MAF: variants seen among roughly 807,000 people sequenced by gnomAD.
MAF encodes the protein transcription factor Maf.
MAF carries 10 observed loss-of-function variants against 22.0 expected under a neutral mutation model. That is an observed-to-expected ratio of 0.45 (90% CI 0.28 to 0.77). MAF has a LOEUF of 0.77. Among genes scored for constraint, MAF ranks in the 30% least tolerant of loss-of-function variants. MAF has a pLI of 0.12. For missense variants in MAF, 544 were observed against 548.4 expected, an observed-to-expected ratio of 0.99 and a Z score of 0.08; for synonymous variants, 337 against 255.8, an observed-to-expected ratio of 1.32 and a Z score of -3.03.
chr16:79,406,630 A>G, the MAF span, among the ~76,000 whole-genome samples: 1 of 152,132 alleles, frequency 6.6e-6, no homozygotes, highest in African/African-American at 2.4e-5. Flanking sequence ...TCCAAATACC[A>G]TCACATTGGG....
chr16:79,370,634 C>T, the MAF span, among the ~76,000 whole-genome samples: 1 of 152,222 alleles, frequency 6.6e-6, no homozygotes, highest in Non-Finnish European at 1.5e-5. Flanking sequence ...CATCCTCCAT[C>T]CCTTCCACTA....
the MAF span, among the ~76,000 whole-genome samples, chr16:79,487,249 A>T: frequency 6.6e-6 from 1 of 151,596 alleles, no homozygotes; most frequent in African/African-American, 2.4e-5. Context: ...AGTTTCGTGA[A>T]GTTCAACGTC....
chr16:79,487,665 A>G, the MAF span, among the ~76,000 whole-genome samples: 1 of 152,168 alleles, frequency 6.6e-6, no homozygotes, highest in African/African-American at 2.4e-5. Flanking sequence ...ATTACCCAAT[A>G]TGCAAAAGGT....
chr16:79,332,761 A>T, the MAF span, among the ~76,000 whole-genome samples: 7 of 152,258 alleles, frequency 4.6e-5, no homozygotes, highest in Non-Finnish European at 7.3e-5. Flanking sequence ...CTGACGAACA[A>T]CCAGCCTACA....
the MAF span, among the ~76,000 whole-genome samples, chr16:79,466,805 G>C: frequency 6.6e-6 from 1 of 152,186 alleles, no homozygotes; most frequent in African/African-American, 2.4e-5. Flanking sequence ...GGGTATTTAA[G>C]ATCCATTATT....
At chr16:79,359,404 G>T in the MAF span, among the ~76,000 whole-genome samples, 1 of 152,168 alleles carries the variant, frequency 6.6e-6, no homozygotes, top group Non-Finnish European at 1.5e-5. Context: ...AGTATTTTCA[G>T]ATGACTTTTT....
At chr16:79,235,572 A>C in the MAF span, among the ~76,000 whole-genome samples, 3 of 151,826 alleles carry the variant, frequency 2.0e-5, no homozygotes, top group African/African-American at 7.2e-5. Context: ...ATATGATTGA[A>C]AGCCGCAGAA....
the MAF span, among the ~76,000 whole-genome samples, chr16:79,539,006 G>A: frequency 6.6e-6 from 1 of 151,948 alleles, no homozygotes; most frequent in African/African-American, 2.4e-5. Flanking sequence ...AACAAAAACG[G>A]CCATAAATAA....
At chr16:79,207,368 A>C in the MAF span, among the ~76,000 whole-genome samples, 2 of 152,190 alleles carry the variant, frequency 1.3e-5, no homozygotes, top group Non-Finnish European at 2.9e-5. Flanking sequence ...ACTTCAGATC[A>C]CCACTTTGTC....
the MAF span, among the ~76,000 whole-genome samples, chr16:79,523,333 G>C: frequency 6.6e-6 from 1 of 152,226 alleles, no homozygotes; most frequent in African/African-American, 2.4e-5. Context: ...TGAAGGGAGG[G>C]AGACTACAGA....
At chr16:79,235,042 G>A in the MAF span, among the ~76,000 whole-genome samples, 1 of 152,106 alleles carries the variant, frequency 6.6e-6, no homozygotes, top group Admixed American at 6.6e-5. Flanking sequence ...ACCCAGCTGG[G>A]ATCAGCTGAC....
At chr16:79,534,899 C>G in the MAF span, among the ~76,000 whole-genome samples, 4 of 152,074 alleles carry the variant, frequency 2.6e-5, no homozygotes, top group Non-Finnish European at 4.4e-5. Flanking sequence ...GTGGGCCAAC[C>G]GCTTCATCTT....
At chr16:79,330,294 T>C in the MAF span, among the ~76,000 whole-genome samples, 40 of 152,376 alleles carry the variant, frequency 2.6e-4, no homozygotes, top group African/African-American at 9.1e-4. Context: ...GTGGTAGATA[T>C]GTTAAGGAAA....
the MAF span, among the ~76,000 whole-genome samples, chr16:79,506,096 T>A: frequency 6.6e-6 from 1 of 152,174 alleles, no homozygotes; most frequent in East Asian, 1.9e-4. Context: ...CTGAGCAGCA[T>A]AATTTGATCC....
the MAF span, among the ~76,000 whole-genome samples, chr16:79,479,736 C>A: frequency 6.6e-6 from 1 of 152,228 alleles, no homozygotes; most frequent in South Asian, 2.1e-4. Context: ...AGGAACCAGA[C>A]TACTACGTGC....
chr16:79,297,773 G>T, the MAF span, among the ~76,000 whole-genome samples: 3 of 152,170 alleles, frequency 2.0e-5, no homozygotes, highest in Non-Finnish European at 2.9e-5. Context: ...CGTGCCATTG[G>T]CTTCTCTATG....
At chr16:79,513,387 T>G in the MAF span, among the ~76,000 whole-genome samples, 2 of 152,152 alleles carry the variant, frequency 1.3e-5, no homozygotes, top group African/African-American at 4.8e-5. Context: ...ATGAGAACAA[T>G]GAAAGAGAAT....
the MAF span, among the ~76,000 whole-genome samples, chr16:79,221,905 G>T: frequency 6.6e-6 from 1 of 152,184 alleles, no homozygotes; most frequent in East Asian, 1.9e-4. Context: ...CCACTGCTTT[G>T]TTTTTGTCTT....
the MAF span, among the ~76,000 whole-genome samples, chr16:79,342,390 G>A: frequency 6.6e-6 from 1 of 152,210 alleles, no homozygotes; most frequent in Non-Finnish European, 1.5e-5. Context: ...TGCAGCATGA[G>A]GCAGTTAAAG....
Sources: allele counts gnomAD v4.1 joint callset (sites outside exome capture counted in the v4.1 genomes callset), GRCh38; gene constraint gnomAD v4.1.1; transcripts MANE v1.5; gene names NCBI Gene and HGNC (gene_info 2026-07-23, HGNC 2026-07-21).